TRIM16: variants seen among roughly 807,000 people sequenced by gnomAD.
TRIM16 encodes tripartite motif containing 16, also known as tripartite motif-containing protein 16.
In TRIM16, 33 loss-of-function variants were observed where a neutral mutation model predicts 50.4. The ratio of observed to expected loss-of-function variants is 0.65; its 90% CI spans 0.50 to 0.88. The LOEUF (loss-of-function observed/expected upper bound fraction) is 0.88, where lower values mean the gene tolerates loss of function less well. TRIM16 is among the 40% of genes least tolerant of loss of function. TRIM16 has a pLI of 0.00. For missense variants in TRIM16, 581 were observed against 686.8 expected (o/e 0.85, Z 1.72); for synonymous variants, 229 against 270.7 (o/e 0.85, Z 1.51).
chr17:15,683,264 A>C (rs761531979), intron 1 of TRIM16, 107 bp from the exon 2 acceptor site: 2 of 893,642 alleles, frequency 2.2e-6, no homozygotes, highest in Non-Finnish European at 3.3e-6. Context: ...GTATCTTTTG[A>C]GCTAAAGCTA....
At chr17:15,672,115 G>A (rs1988753741) in intron 6 of TRIM16, among the ~76,000 whole-genome samples, 1 of 151,998 alleles carries the variant, frequency 6.6e-6, no homozygotes, top group Non-Finnish European at 1.5e-5. Context: ...AATTTGCTTG[G>A]AGGAATTAAT....
intron 7 of TRIM16, among the ~76,000 whole-genome samples, chr17:15,646,844 T>C (rs1178998923): frequency 6.6e-6 from 1 of 152,140 alleles, no homozygotes; most frequent in Non-Finnish European, 1.5e-5. Flanking sequence ...ATAGTACATA[T>C]GGCCAGCTCA....
In TRIM16 at chr17:15,682,843, C is replaced by T. The variant is rs868035794; in HGVS notation, c.-679+11G>A. 6.3e-6 allele frequency: 9 copies of T among 1,424,462 alleles called. No homozygotes were observed. The highest frequency in any genetic ancestry group is 2.6e-4 in the Middle Eastern group (1 of 3,862). 88.2% of individuals were successfully genotyped at this position (1,424,462 alleles called of 1,614,324 possible). On this transcript the variant is annotated intron_variant, in intron 3 of 11. Coordinates refer to ENST00000649191, the MANE Select transcript of TRIM16 (RefSeq NM_001348119.1). ...TATTAGTAAAATCACCACCATTCTT[C>T]GCACACTCACCACGCACCAGGTGCT...
chr17:15,670,514 C>G (rs1204786011), intron 6 of TRIM16, among the ~76,000 whole-genome samples: 2 of 152,186 alleles, frequency 1.3e-5, no homozygotes, highest in South Asian at 2.1e-4. Context: ...TGTGGAAGCT[C>G]AGCTCCACTA....
intron 7 of TRIM16, among the ~76,000 whole-genome samples, chr17:15,644,159 G>A (rs1987244152): frequency 1.3e-5 from 2 of 152,162 alleles, no homozygotes; most frequent in African/African-American, 4.8e-5. Flanking sequence ...CAATCCAGAA[G>A]CTCCCGGAAG....
intron 9 of TRIM16, among the ~76,000 whole-genome samples, chr17:15,633,356 G>T (rs1388136887): frequency 6.6e-6 from 1 of 150,784 alleles, no homozygotes; most frequent in Non-Finnish European, 1.5e-5. Flanking sequence ...CAAAACCAGA[G>T]AATTGATAGA....
intron 6 of TRIM16, among the ~76,000 whole-genome samples, 193 bp downstream of exon 6, chr17:15,676,983 C>T (rs2151427011): frequency 6.6e-6 from 1 of 152,174 alleles, no homozygotes; most frequent in South Asian, 2.1e-4. Flanking sequence ...ATGTGTTGGG[C>T]TTATAACTTT....
chr17:15,644,692 C>G (rs1987276191), intron 7 of TRIM16, among the ~76,000 whole-genome samples: 1 of 152,176 alleles, frequency 6.6e-6, no homozygotes, highest in African/African-American at 2.4e-5. Flanking sequence ...CCCCCTCAGC[C>G]ACCCAGTCAT....
At chr17:15,665,560 G>A (rs1988463946) in intron 6 of TRIM16, among the ~76,000 whole-genome samples, 1 of 152,052 alleles carries the variant, frequency 6.6e-6, no homozygotes, top group Non-Finnish European at 1.5e-5. Context: ...TAATGTATCG[G>A]GAAACCAGAT....
intron 6 of TRIM16, among the ~76,000 whole-genome samples, chr17:15,668,393 A>T (rs1988589451): frequency 6.6e-6 from 1 of 152,224 alleles, no homozygotes; most frequent in Non-Finnish European, 1.5e-5. Flanking sequence ...CATAGCCAGA[A>T]GCAGAAATCC....
At chr17:15,634,967 T>C (rs1986656936) in intron 9 of TRIM16, among the ~76,000 whole-genome samples, 1 of 148,918 alleles carries the variant, frequency 6.7e-6, no homozygotes, top group Non-Finnish European at 1.5e-5. Flanking sequence ...GTTTTGATAC[T>C]GAAAAGCAAA....
intron 4 of TRIM16, among the ~76,000 whole-genome samples, chr17:15,678,933 C>T (rs1262148806): frequency 1.3e-5 from 2 of 148,624 alleles, no homozygotes; most frequent in African/African-American, 5.1e-5. Context: ...GTGCAGTGGC[C>T]ACGATGCTCT....
At chr17:15,646,037 G>T (rs532366490) in intron 7 of TRIM16, among the ~76,000 whole-genome samples, 3 of 152,146 alleles carry the variant, frequency 2.0e-5, no homozygotes, top group African/African-American at 7.2e-5. Context: ...CCTACAACAC[G>T]GCATCTAAAC....
At chr17:15,676,179 A>G (rs181701837) in intron 6 of TRIM16, among the ~76,000 whole-genome samples, 68 of 152,276 alleles carry the variant, frequency 4.5e-4, no homozygotes, top group African/African-American at 1.4e-3. Flanking sequence ...TAGGATGTTT[A>G]GCAGCATTCC....
At chr17:15,647,816 TACACACACACACAC>T (rs558765410) in intron 7 of TRIM16, among the ~76,000 whole-genome samples, 2 of 139,212 alleles carry the variant, frequency 1.4e-5, no homozygotes, top group East Asian at 2.1e-4. Context: ...CCAGATTTCA[TACACACACACACAC>T]ACACACACAC....
intron 4 of TRIM16, among the ~76,000 whole-genome samples, chr17:15,680,296 C>T (rs1157425558): frequency 4.1e-5 from 6 of 148,056 alleles, no homozygotes; most frequent in Middle Eastern, 6.9e-3. Flanking sequence ...CAAGTCCATA[C>T]AGCATTTTCC....
chr17:15,674,093 C>T (rs980406705), intron 6 of TRIM16, among the ~76,000 whole-genome samples: 12 of 152,052 alleles, frequency 7.9e-5, no homozygotes, highest in African/African-American at 2.7e-4. Flanking sequence ...CACAATAGGC[C>T]GGGCGCGGTG....
At chr17:15,657,819 G>A (rs547890821) in intron 6 of TRIM16, among the ~76,000 whole-genome samples, 11 of 152,210 alleles carry the variant, frequency 7.2e-5, no homozygotes, top group South Asian at 4.2e-4. Context: ...TAAATGCCCC[G>A]TGGAAAAAAT....
intron 4 of TRIM16, among the ~76,000 whole-genome samples, chr17:15,679,553 TG>T (rs1208028352): frequency 6.6e-6 from 1 of 152,240 alleles, no homozygotes; most frequent in East Asian, 1.9e-4. Flanking sequence ...ATTAAGGATG[TG>T]GCCTTCCCAC....
Sources: gnomAD v4.1 joint callset for allele counts (sites outside exome capture counted in the v4.1 genomes callset) on GRCh38, gnomAD v4.1.1 for gene constraint, MANE v1.5 for transcripts, NCBI Gene and HGNC (gene_info 2026-07-23, HGNC 2026-07-21) for gene names.